The following KASH5 variants were observed in gnomAD, a reference collection of about 807,000 sequenced individuals.
KASH5 encodes the protein protein KASH5.
Under a neutral mutation model 84.2 loss-of-function variants are expected in KASH5, and 72 were observed. The observed-to-expected ratio is 0.85, with a 90% CI of 0.71 to 1.04. The LOEUF is 1.04. Among genes scored for constraint, KASH5 ranks in the 50% least tolerant of loss-of-function variants. The pLI, the probability that KASH5 is intolerant of heterozygous loss-of-function variation, is 0.00. For missense variants in KASH5, 650 were observed against 701.0 expected, an observed-to-expected ratio of 0.93 and a Z score of 0.82; for synonymous variants, 260 against 279.1, an observed-to-expected ratio of 0.93 and a Z score of 0.68.
At chr19:49,413,862 T>C (rs897931963) in intron 16 of KASH5, among the ~76,000 whole-genome samples, 4 of 151,934 alleles carry the variant, frequency 2.6e-5, no homozygotes, top group African/African-American at 9.7e-5. Flanking sequence ...GGGGATCAGA[T>C]AGTGTATGTC....
At position 49,392,671 on chromosome 19, in the gene KASH5, C is replaced by T. The variant is rs142556905; in HGVS notation, c.43+1745C>T. ...TCACACCTGTAATCCCAGCACTTTG[C>T]GAGGCCAAGGTGGGCGGATCACTTG... is the stretch of plus-strand genomic sequence containing the variant. On this transcript the variant is annotated intron_variant, in intron 2 of 19. Transcript: ENST00000447857. 1.2e-4 allele frequency among the ~76,000 whole-genome samples: 19 copies of T among 152,082 alleles called. No individual in the cohort carries two copies. In the East Asian group the frequency reaches 1.9e-3, roughly 15 times the overall value.
chr19:49,403,079 T>C (rs549070865), intron 9 of KASH5, among the ~76,000 whole-genome samples: 7 of 152,112 alleles, frequency 4.6e-5, no homozygotes, highest in African/African-American at 1.7e-4. Context: ...GCCATGAGGC[T>C]GGGCGCGGTG....
Position 49,414,309 on chromosome 19 carries a change from G to T in KASH5, c.1329-642G>T, listed in dbSNP as rs999031647. ...GCTCTTCCAGTCCTCCTGGAAGAGG[G>T]TCTTGCACCTAAGAGGATTCGGCAT... On this transcript the variant is annotated intron_variant, in intron 16 of 19. Transcript: ENST00000447857. This position sits in a 1 kb window ranked among gnomAD's most constrained non-coding sequence, Gnocchi z 4.5. Among the ~76,000 whole-genome samples, 1 of 152,116 alleles carries T rather than the reference G, an allele frequency of 6.6e-6. No individual in the cohort carries two copies. The highest frequency in any genetic ancestry group is 2.1e-4 in the South Asian group (1 of 4,826).
chr19:49,397,766 C>T lies in KASH5; in HGVS notation c.467+49C>T, dbSNP rs1023538896. ...TGACCCTCCTGCCCACACCCTGTCC[C>T]CTCCAGCCTGCCGAGGCCCGGGTAG... On this transcript the variant is annotated intron_variant, in intron 6 of 19. Coordinates refer to ENST00000447857, the MANE Select transcript of KASH5 (RefSeq NM_144688.5). 3.8e-6 allele frequency: 6 copies of T among 1,592,586 alleles called. No individual in the cohort carries two copies. In the African/African-American group the frequency reaches 6.7e-5, roughly 18 times the overall value.
chr19:49,408,785 C>G (rs1974614350), intron 12 of KASH5, among the ~76,000 whole-genome samples, 182 bp from the exon 13 acceptor site: 1 of 152,094 alleles, frequency 6.6e-6, no homozygotes, highest in Admixed American at 6.5e-5. Flanking sequence ...TCCTGTTGCT[C>G]TCTCTCTTTG....
At chr19:49,394,446 C>A in intron 2 of KASH5, 30 bp from the exon 3 acceptor site, 2 of 1,569,568 alleles carry the variant, frequency 1.3e-6, no homozygotes, top group Non-Finnish European at 1.8e-6. Flanking sequence ...ATTCTTCCCA[C>A]TGGTGAGCTG....
intron 12 of KASH5, among the ~76,000 whole-genome samples, chr19:49,408,517 C>T (rs190649388): frequency 2.8e-4 from 43 of 151,742 alleles, no homozygotes; most frequent in African/African-American, 6.5e-4. Flanking sequence ...GGTGCAATCT[C>T]GGCTCACTGC....
In KASH5 at chr19:49,399,779, C is replaced by T; in HGVS notation, c.798+272C>T. 1.2e-6 allele frequency: 1 copy of T among 812,954 alleles called. No individual in the cohort carries two copies. Among genetic ancestry groups the T allele is most frequent in the Non-Finnish European group, 1.8e-6 (1 of 557,366 alleles). 50.4% of individuals were successfully genotyped at this position (812,954 alleles called of 1,614,324 possible). On this transcript the variant is annotated intron_variant, in intron 9 of 19. Coordinates refer to ENST00000447857, the MANE Select transcript of KASH5 (RefSeq NM_144688.5). This position sits in a 1 kb window ranked among gnomAD's most constrained non-coding sequence, Gnocchi z 4.4. ...TCCCTTCTCTGTGCCTCAGTTGCCTCACCTATAAAGATGAACAAAACAATG... is the reference window on the plus strand; with the variant it reads ...TCCCTTCTCTGTGCCTCAGTTGCCTTACCTATAAAGATGAACAAAACAATG...
At chr19:49,405,422 A>C in intron 9 of KASH5, among the ~76,000 whole-genome samples, 1 of 147,056 alleles carries the variant, frequency 6.8e-6, no homozygotes, top group Non-Finnish European at 1.5e-5. Flanking sequence ...ACGCCATTGC[A>C]CTCCAGCCTG....
chr19:49,417,860 C>T lies in KASH5; in HGVS notation c.*350C>T, dbSNP rs1458139358. ...CATGCTCAGGAGTTGGCAGTTGTAG[C>T]TTCCTACATCACATCTGCGGGAAAC... is the stretch of plus-strand genomic sequence containing the variant. On this transcript the variant is annotated 3_prime_UTR_variant, in exon 20 of 20. Coordinates refer to ENST00000447857, the MANE Select transcript of KASH5 (RefSeq NM_144688.5). This position sits in a 1 kb window ranked among gnomAD's most constrained non-coding sequence, Gnocchi z 5.2. 3.9e-6 allele frequency: 1 copy of T among 253,266 alleles called. No homozygotes were observed. The highest frequency in any genetic ancestry group is 7.5e-6 in the Non-Finnish European group (1 of 134,146). The allele number at this position is 253,266 out of a possible 1,614,324, so 15.7% of individuals were successfully genotyped here. A position where few individuals can be genotyped will look rare whatever the true frequency, so the allele number is the denominator to read the frequency against.
In KASH5 at chr19:49,412,244, G is replaced by T. The variant is rs1974743589; in HGVS notation, c.1270-724G>T. Reference sequence around the variant, plus strand: ...AGGCAGGGAGGAGGCTGGAGCAATGGTGATGAAGCCTGAGCCAGGCCAGGG... The same window carrying T: ...AGGCAGGGAGGAGGCTGGAGCAATGTTGATGAAGCCTGAGCCAGGCCAGGG... On this transcript the variant is annotated intron_variant, in intron 15 of 19. Transcript: ENST00000447857. This position sits in a 1 kb window ranked among gnomAD's most constrained non-coding sequence, Gnocchi z 4.6. 6.6e-6 allele frequency among the ~76,000 whole-genome samples: 1 copy of T among 152,078 alleles called. No individual in the cohort carries two copies. The highest frequency in any genetic ancestry group is 2.4e-5 in the African/African-American group (1 of 41,414).
intron 15 of KASH5, among the ~76,000 whole-genome samples, chr19:49,410,848 C>T (rs566026561): frequency 2.6e-5 from 4 of 151,848 alleles, no homozygotes; most frequent in African/African-American, 9.7e-5. Context: ...GTCTCAAACT[C>T]CTGGGCTCAA....
At chr19:49,408,062 C>G (rs1331378114) in intron 12 of KASH5, among the ~76,000 whole-genome samples, 1 of 151,938 alleles carries the variant, frequency 6.6e-6, no homozygotes, top group African/African-American at 2.4e-5. Flanking sequence ...ACTACAGGTG[C>G]ATGCCAGCAT....
At position 49,390,776 on chromosome 19, in the gene KASH5, C is replaced by A; in HGVS notation, c.-95-13C>A. On this transcript the variant is annotated splice_polypyrimidine_tract_variant and intron_variant, in intron 1 of 19. Transcript: ENST00000447857. ...GCTGCTCTGAGGACACCATTTCCTG[C>A]TTCTCCTTCCAGGAGTGCTCGGGCC... is the stretch of plus-strand genomic sequence containing the variant. 2 of 1,190,736 alleles carry A rather than the reference C, an allele frequency of 1.7e-6. No individual in the cohort carries two copies. The highest frequency in any genetic ancestry group is 2.3e-6 in the Non-Finnish European group (2 of 875,636). 73.8% of individuals were successfully genotyped at this position (1,190,736 alleles called of 1,614,324 possible).
intron 15 of KASH5, among the ~76,000 whole-genome samples, chr19:49,411,918 G>GGGAAGGAAGGAAGGAA (rs56314106): frequency 1.6e-4 from 20 of 128,164 alleles, no homozygotes; most frequent in South Asian, 2.8e-4. Context: ...GAGGGAAGGA[G>GGGAAGGAAGGAAGGAA]GGAAGGAAGG....
intron 7 of KASH5, 55 bp downstream of exon 7, chr19:49,398,198 C>A (rs1470981169): frequency 1.4e-6 from 2 of 1,468,742 alleles, no homozygotes; most frequent in Non-Finnish European, 9.1e-7. Context: ...GTCCTCCCTG[C>A]AGCAGCCGGC....
rs531207350 is a variant in KASH5, at chr19:49,402,223, CAG to C, written c.798+2719_798+2720del. 4.7e-5 allele frequency among the ~76,000 whole-genome samples: 7 copies of C among 150,124 alleles called. No homozygotes were observed. In the South Asian group the frequency reaches 1.3e-3, roughly 27 times the overall value. On this transcript the variant is annotated intron_variant, in intron 9 of 19. Coordinates refer to ENST00000447857, the MANE Select transcript of KASH5 (RefSeq NM_144688.5). Reference sequence around the variant, plus strand: ...TACCAGTGTACTCCAGTCTGGGCGACAGAGCAAGACTCAGTCTCAAAAAAAAA... The same window carrying C: ...TACCAGTGTACTCCAGTCTGGGCGACAGCAAGACTCAGTCTCAAAAAAAAA...
chr19:49,391,292 T>C (rs1183583924), intron 2 of KASH5, among the ~76,000 whole-genome samples: 1 of 152,186 alleles, frequency 6.6e-6, no homozygotes, highest in Non-Finnish European at 1.5e-5. Context: ...CACATCTGTA[T>C]GTCATGTTTT....
At chr19:49,407,182 G>T in intron 10 of KASH5, 58 bp from the exon 11 acceptor site, 1 of 1,581,932 alleles carries the variant, frequency 6.3e-7, no homozygotes, top group Non-Finnish European at 8.7e-7. Flanking sequence ...CAGGTGGAGG[G>T]CAGGACCAAG....
Sources: allele counts gnomAD v4.1 joint callset (sites outside exome capture counted in the v4.1 genomes callset), GRCh38; gene constraint gnomAD v4.1.1; non-coding constraint Gnocchi (gnomAD v3.1); transcripts MANE v1.5; gene names NCBI Gene and HGNC (gene_info 2026-07-23, HGNC 2026-07-21).